The following CUL5 variants were observed in gnomAD, a reference collection of about 807,000 sequenced individuals.
CUL5 encodes the protein cullin-5.
Under a neutral mutation model 108.8 loss-of-function variants are expected in CUL5, and 26 were observed. The observed-to-expected ratio is 0.24, with a 90% CI of 0.18 to 0.33. CUL5 has a LOEUF of 0.33. CUL5 is among the 10% of genes least tolerant of loss of function. The pLI, the probability that CUL5 is intolerant of heterozygous loss-of-function variation, is 1.00. For missense variants in CUL5, 524 were observed against 909.2 expected (o/e 0.58, Z 5.45); for synonymous variants, 334 against 298.0 (o/e 1.12, Z -1.25).
intron 2 of CUL5, 133 bp from the exon 3 acceptor site, chr11:108,046,136 TA>T: frequency 1.9e-6 from 1 of 517,422 alleles, no homozygotes; most frequent in Non-Finnish European, 3.4e-6. Context: ...GTACTTGGTT[TA>T]TATGAGTGAA....
At chr11:108,082,812 A>G (rs1864126608) in intron 11 of CUL5, among the ~76,000 whole-genome samples, 1 of 150,364 alleles carries the variant, frequency 6.7e-6, no homozygotes. Flanking sequence ...TTTTTTTTTG[A>G]GACAGGGTCT....
At chr11:108,084,401 T>TG (rs1054176239) in intron 11 of CUL5, among the ~76,000 whole-genome samples, 5 of 152,138 alleles carry the variant, frequency 3.3e-5, no homozygotes, top group South Asian at 2.1e-4. Context: ...GCAATACTGC[T>TG]GGGGGGCAGT....
intron 11 of CUL5, among the ~76,000 whole-genome samples, chr11:108,088,066 A>C (rs1006290639): frequency 5.7e-4 from 86 of 152,026 alleles, no homozygotes; most frequent in African/African-American, 2.0e-3. Flanking sequence ...TTAATGCATG[A>C]TGGTATATAT....
rs1175716850 is a variant in CUL5, at chr11:108,081,129, A to C, written c.1178+2889A>C. On this transcript the variant is annotated intron_variant, in intron 11 of 18. Coordinates refer to ENST00000393094, the MANE Select transcript of CUL5 (RefSeq NM_003478.6). ...TGGTGAAACCCTGTCTCTACTAAAAATACAACAAATTAGCCAGGCGTGGTG... is the reference window on the plus strand; with the variant it reads ...TGGTGAAACCCTGTCTCTACTAAAACTACAACAAATTAGCCAGGCGTGGTG... 5.3e-5 allele frequency among the ~76,000 whole-genome samples: 8 copies of C among 152,236 alleles called. No individual in the cohort carries two copies. The East Asian group carries it at 1.4e-3, about 26-fold the overall frequency.
rs979592241 is a variant in CUL5, at chr11:108,055,211, G to A, written c.780+256G>A. Reference sequence around the variant, plus strand: ...ACTTTATTTAATATAATTAATTTTTGGTAAGTTTTCTTTTATTATGTTTTA... The same window carrying A: ...ACTTTATTTAATATAATTAATTTTTAGTAAGTTTTCTTTTATTATGTTTTA... On this transcript the variant is annotated intron_variant, in intron 7 of 18. Transcript: ENST00000393094. 2.6e-5 allele frequency among the ~76,000 whole-genome samples: 4 copies of A among 151,894 alleles called. No individual in the cohort carries two copies. The East Asian group carries it at 5.8e-4, about 22-fold the overall frequency.
intron 4 of CUL5, 89 bp downstream of exon 4, chr11:108,050,155 G>A: frequency 9.1e-7 from 1 of 1,093,846 alleles, no homozygotes; most frequent in South Asian, 1.7e-5. Context: ...CTTTTAAGTG[G>A]GTTTTTCTAC....
chr11:108,091,565 C>G (rs1415087602), intron 13 of CUL5, among the ~76,000 whole-genome samples: 1 of 151,662 alleles, frequency 6.6e-6, no homozygotes. Flanking sequence ...TGGCATGCAC[C>G]TTAGTCCCAG....
intron 9 of CUL5, 96 bp downstream of exon 9, chr11:108,072,558 G>A: frequency 4.8e-6 from 5 of 1,041,686 alleles, no homozygotes; most frequent in South Asian, 1.7e-5. Context: ...AGAGGCTGGG[G>A]GTTGGGGGAG....
chr11:108,086,226 G>C (rs562479801), intron 11 of CUL5, among the ~76,000 whole-genome samples: 1 of 152,232 alleles, frequency 6.6e-6, no homozygotes, highest in South Asian at 2.1e-4. Flanking sequence ...GTACATCATA[G>C]TAAAACAGCT....
intron 18 of CUL5, among the ~76,000 whole-genome samples, chr11:108,103,135 G>A (rs1864711733): frequency 6.6e-6 from 1 of 152,026 alleles, no homozygotes; most frequent in Non-Finnish European, 1.5e-5. Context: ...AGCTGGTACT[G>A]GAAAAGGTAA....
intron 2 of CUL5, among the ~76,000 whole-genome samples, chr11:108,043,996 C>A (rs553299946): frequency 2.0e-5 from 3 of 152,208 alleles, no homozygotes; most frequent in East Asian, 3.9e-4. Context: ...GCACTTCAGC[C>A]TGGGCAACAA....
chr11:108,075,250 C>T (rs919489889), intron 10 of CUL5, among the ~76,000 whole-genome samples: 7 of 150,450 alleles, frequency 4.7e-5, no homozygotes, highest in East Asian at 3.9e-4. Context: ...GATAGCGTGG[C>T]GTATTAGTAA....
chr11:108,103,043 A>G (rs1414147793), intron 18 of CUL5, among the ~76,000 whole-genome samples: 1 of 152,138 alleles, frequency 6.6e-6, no homozygotes, highest in African/African-American at 2.4e-5. Flanking sequence ...CAATCCACCC[A>G]CATCACCCTC....
At chr11:108,038,541 G>T (rs574619668) in intron 2 of CUL5, among the ~76,000 whole-genome samples, 2 of 152,078 alleles carry the variant, frequency 1.3e-5, no homozygotes, top group Admixed American at 1.3e-4. Context: ...TGAGTGCGGT[G>T]GTGGGCCTCA....
chr11:108,039,102 C>T (rs892836150), intron 2 of CUL5, among the ~76,000 whole-genome samples: 3 of 151,988 alleles, frequency 2.0e-5, no homozygotes, highest in African/African-American at 7.3e-5. Flanking sequence ...CTCACTGCAA[C>T]CTCTGCCTCC....
chr11:108,082,342 G>A (rs1350161697), intron 11 of CUL5, among the ~76,000 whole-genome samples: 5 of 149,444 alleles, frequency 3.3e-5, no homozygotes, highest in South Asian at 2.1e-4. Flanking sequence ...GTGCAGTGGC[G>A]CAATCATGGC....
At chr11:108,071,687 A>G (rs550686193) in intron 8 of CUL5, among the ~76,000 whole-genome samples, 2 of 151,902 alleles carry the variant, frequency 1.3e-5, no homozygotes, top group Non-Finnish European at 2.9e-5. Context: ...TCTGGGACCA[A>G]AGACATGCAC....
intron 14 of CUL5, 122 bp downstream of exon 14, chr11:108,094,636 T>C: frequency 1.3e-6 from 1 of 773,744 alleles, no homozygotes; most frequent in Non-Finnish European, 2.0e-6. Flanking sequence ...TCCATTTCCG[T>C]GGAGACAGCT....
At chr11:108,035,574 T>TA (rs35833167) in intron 2 of CUL5, among the ~76,000 whole-genome samples, 1,939 of 141,588 alleles carry the variant, frequency 0.014, 31 homozygotes, top group African/African-American at 0.037. Flanking sequence ...CCCTGTCTCT[T>TA]AAAAAAAAAA....
Sources: gnomAD v4.1 joint callset for allele counts (sites outside exome capture counted in the v4.1 genomes callset) on GRCh38, gnomAD v4.1.1 for gene constraint, MANE v1.5 for transcripts, NCBI Gene and HGNC (gene_info 2026-07-23, HGNC 2026-07-21) for gene names.